Variants in CCDC91 observed in about 807,000 individuals in gnomAD.
The protein encoded by CCDC91 is coiled-coil domain containing 91.
In CCDC91, 48 loss-of-function variants were observed where a neutral mutation model predicts 63.2. The observed-to-expected ratio is 0.76, with a 90% CI of 0.60 to 0.97. The LOEUF is 0.97. CCDC91 is among the 50% of genes least tolerant of loss of function. The probability of loss-of-function intolerance (pLI) is 0.00; values close to 1 mark genes in which losing one functional copy is unlikely to be tolerated. For synonymous variants in CCDC91, 167 were observed against 165.8 expected, an observed-to-expected ratio of 1.01 and a Z score of -0.06; for missense variants, 500 against 494.6, an observed-to-expected ratio of 1.01 and a Z score of -0.10.
intron 8 of CCDC91, among the ~76,000 whole-genome samples, chr12:28,420,862 A>C (rs539985018): frequency 1.3e-5 from 2 of 152,058 alleles, no homozygotes; most frequent in African/African-American, 4.8e-5. Flanking sequence ...AAATTTTTGA[A>C]TTCACAAATG....
At chr12:28,502,378 A>T (rs566341245) in intron 12 of CCDC91, among the ~76,000 whole-genome samples, 6 of 152,110 alleles carry the variant, frequency 3.9e-5, no homozygotes, top group East Asian at 3.9e-4. Flanking sequence ...CTTACAAGGG[A>T]TGTGAAGGAC....
chr12:28,507,278 A>G (rs1197162590), intron 12 of CCDC91, among the ~76,000 whole-genome samples: 2 of 151,996 alleles, frequency 1.3e-5, no homozygotes, highest in Non-Finnish European at 2.9e-5. Flanking sequence ...GCTAACCTCT[A>G]AACCACACTT....
chr12:28,326,883 C>T (rs1941058723), intron 6 of CCDC91, among the ~76,000 whole-genome samples: 1 of 151,988 alleles, frequency 6.6e-6, no homozygotes, highest in South Asian at 2.1e-4. Context: ...AGGTGAACAA[C>T]AAGCAATGAA....
chr12:28,238,232 GAAAC>G (rs968516160), intron 1 of CCDC91, among the ~76,000 whole-genome samples: 1 of 152,116 alleles, frequency 6.6e-6, no homozygotes, highest in Non-Finnish European at 1.5e-5. Flanking sequence ...TGACAAAAAG[GAAAC>G]AAACAGCACT....
intron 3 of CCDC91, among the ~76,000 whole-genome samples, chr12:28,275,747 G>A (rs1592174920): frequency 6.6e-6 from 1 of 152,080 alleles, no homozygotes; most frequent in East Asian, 1.9e-4. Flanking sequence ...ACCAAATCCA[G>A]CAGCACATCA....
intron 12 of CCDC91, among the ~76,000 whole-genome samples, chr12:28,497,988 G>C (rs1482388696): frequency 1.3e-5 from 2 of 151,450 alleles, no homozygotes; most frequent in Admixed American, 6.6e-5. Flanking sequence ...AAAATATCTT[G>C]TCTGGGGTGG....
At chr12:28,192,526 C>T (rs1941349057) in intron 1 of CCDC91, among the ~76,000 whole-genome samples, 1 of 152,134 alleles carries the variant, frequency 6.6e-6, no homozygotes, top group African/African-American at 2.4e-5. Context: ...TATTTTCTGT[C>T]CAAACAATGA....
At chr12:28,495,226 C>T (rs1354837863) in intron 12 of CCDC91, among the ~76,000 whole-genome samples, 1 of 151,726 alleles carries the variant, frequency 6.6e-6, no homozygotes, top group African/African-American at 2.4e-5. Flanking sequence ...CTCCTCTTCA[C>T]TCAAAAAACC....
At chr12:28,394,155 C>T (rs534195420) in intron 8 of CCDC91, among the ~76,000 whole-genome samples, 51 of 152,276 alleles carry the variant, frequency 3.3e-4, no homozygotes, top group African/African-American at 1.2e-3. Context: ...CAGTATGATG[C>T]TTTTTAAGTG....
At chr12:28,332,630 A>G (rs1012114983) in intron 6 of CCDC91, among the ~76,000 whole-genome samples, 6 of 152,230 alleles carry the variant, frequency 3.9e-5, no homozygotes, top group Non-Finnish European at 7.3e-5. Context: ...TGGGAGTATT[A>G]GTGGTCTTAA....
chr12:28,442,207 G>A (rs1312019995), intron 8 of CCDC91, among the ~76,000 whole-genome samples: 1 of 152,098 alleles, frequency 6.6e-6, no homozygotes, highest in Non-Finnish European at 1.5e-5. Context: ...TTGAATCCAG[G>A]AGGATGCGTT....
At chr12:28,479,623 TA>T (rs1050546837) in intron 11 of CCDC91, among the ~76,000 whole-genome samples, 11 of 151,566 alleles carry the variant, frequency 7.3e-5, no homozygotes, top group Admixed American at 2.0e-4. Flanking sequence ...TAAAAATATA[TA>T]AAAAAAATAA....
intron 11 of CCDC91, among the ~76,000 whole-genome samples, chr12:28,474,060 C>G (rs1029549213): frequency 4.6e-5 from 7 of 151,916 alleles, no homozygotes; most frequent in African/African-American, 1.5e-4. Context: ...GATGATTGCT[C>G]TCCTGTTGAG....
rs139689625 is a variant in CCDC91 at position 28,320,015 on chromosome 12, G to T, written c.576+12266G>T. On this transcript the variant is annotated intron_variant, in intron 6 of 12. Transcript: ENST00000536442. ...GTATGCTAAATCTTCATACTTTCTT[G>T]CAAAGTTAGACAGTACATGACCTCT... is the stretch of plus-strand genomic sequence containing the variant. Among the ~76,000 whole-genome samples the T allele has an allele frequency of 2.0e-5, 3 of 151,916 alleles. No homozygotes were observed. The East Asian group carries it at 5.8e-4, about 30-fold the overall frequency.
rs184259179 is a variant in CCDC91 at position 28,284,397 on chromosome 12, A to G, written c.110-21252A>G. 7.2e-4 allele frequency among the ~76,000 whole-genome samples: 110 copies of G among 152,240 alleles called. 3 individuals carry two copies. In the East Asian group the frequency reaches 0.021, roughly 28 times the overall value. ...GCCGGGCATAGTGGCTCATGCCTGTAATCCCGGCACTTTGGGAGGCTGAGG... is the reference window on the plus strand; with the variant it reads ...GCCGGGCATAGTGGCTCATGCCTGTGATCCCGGCACTTTGGGAGGCTGAGG... On this transcript the variant is annotated intron_variant, in intron 3 of 12. Transcript: ENST00000536442.
chr12:28,331,382 C>G (rs751196725), intron 6 of CCDC91, among the ~76,000 whole-genome samples: 5 of 152,144 alleles, frequency 3.3e-5, no homozygotes, highest in Non-Finnish European at 7.4e-5. Flanking sequence ...AAACGTCAGG[C>G]TGGGCTAAAA....
intron 8 of CCDC91, among the ~76,000 whole-genome samples, chr12:28,411,666 A>G (rs1947325400): frequency 6.6e-6 from 1 of 152,184 alleles, no homozygotes; most frequent in Non-Finnish European, 1.5e-5. Flanking sequence ...TTGGTGAACG[A>G]TGGACTGTAT....
chr12:28,210,569 C>T (rs1943164990), intron 1 of CCDC91, among the ~76,000 whole-genome samples: 1 of 152,136 alleles, frequency 6.6e-6, no homozygotes, highest in African/African-American at 2.4e-5. Context: ...CTGGTGCCTC[C>T]TGTTTTTCCC....
chr12:28,260,973 AT>A (rs1946784152), intron 3 of CCDC91, among the ~76,000 whole-genome samples: 2 of 152,006 alleles, frequency 1.3e-5, no homozygotes, highest in African/African-American at 4.8e-5. Flanking sequence ...AAGTTTTATC[AT>A]TTGATACACA....
Sources: allele counts gnomAD v4.1 joint callset (sites outside exome capture counted in the v4.1 genomes callset), GRCh38; gene constraint gnomAD v4.1.1; transcripts MANE v1.5; gene names NCBI Gene and HGNC (gene_info 2026-07-23, HGNC 2026-07-21).